Variants in MAP2 observed in about 807,000 individuals in gnomAD.
MAP2 encodes the protein microtubule associated protein 2.
A neutral mutation model predicts 137.6 loss-of-function variants in MAP2; 14 were observed. That is an observed-to-expected ratio of 0.10 (90% CI 0.07 to 0.16). The LOEUF (loss-of-function observed/expected upper bound fraction) is 0.16, where lower values mean the gene tolerates loss of function less well. Among genes scored for constraint, MAP2 ranks in the 10% least tolerant of loss-of-function variants. The probability of loss-of-function intolerance (pLI) is 1.00; values close to 1 mark genes in which losing one functional copy is unlikely to be tolerated. For missense variants in MAP2, 2,088 were observed against 2,191.5 expected, an observed-to-expected ratio of 0.95 and a Z score of 0.94; for synonymous variants, 786 against 782.3, an observed-to-expected ratio of 1.00 and a Z score of -0.08.
intron 2 of MAP2, among the ~76,000 whole-genome samples, chr2:209,572,768 C>G (rs1371153664): frequency 6.6e-6 from 1 of 152,146 alleles, no homozygotes; most frequent in Admixed American, 6.5e-5. Flanking sequence ...GTTTTTATAA[C>G]TAGTAACTCA....
Position 209,492,155 on chromosome 2 carries a change from A to T in MAP2, c.-221-15437A>T, listed in dbSNP as rs182751980. 4.4e-3 allele frequency among the ~76,000 whole-genome samples: 394 copies of T among 89,098 alleles called. 1 individual carries two copies. The highest frequency in any genetic ancestry group is 0.012 in the African/African-American group (365 of 29,634). The allele number at this position is 89,098 out of a possible 152,430, so 58.5% of individuals were successfully genotyped here. A position where few individuals can be genotyped will look rare whatever the true frequency, so the allele number is the denominator to read the frequency against. ...TGGTTCAACATATGCAAATCAATAA[A>T]TGTAATCCATCACATAAAACCAATG... On this transcript the variant is annotated intron_variant, in intron 1 of 15. Coordinates refer to ENST00000682079, the MANE Select transcript of MAP2 (RefSeq NM_001375505.1).
At chr2:209,613,426 C>T (rs948135738) in intron 3 of MAP2, among the ~76,000 whole-genome samples, 21 of 152,140 alleles carry the variant, frequency 1.4e-4, no homozygotes, top group Admixed American at 1.4e-3. Flanking sequence ...ACTATAGGAT[C>T]TGTAGTCCTT....
intron 11 of MAP2, among the ~76,000 whole-genome samples, chr2:209,701,661 G>C (rs2061799558): frequency 6.6e-6 from 1 of 152,004 alleles, no homozygotes; most frequent in Admixed American, 6.6e-5. Flanking sequence ...TCTTGAACCT[G>C]AGGGGTTTTA....
At chr2:209,457,676 T>C (rs78628911) in intron 1 of MAP2, among the ~76,000 whole-genome samples, 2,709 of 152,282 alleles carry the variant, frequency 0.018, 70 homozygotes, top group African/African-American at 0.061. Context: ...CTTCATAGGA[T>C]TGTTGGAATG....
chr2:209,729,737 G>A, intron 14 of MAP2, 113 bp from the exon 15 acceptor site: 1 of 660,934 alleles, frequency 1.5e-6, no homozygotes, highest in Non-Finnish European at 2.7e-6. Flanking sequence ...TTGGAGGGAT[G>A]GTAAAGTTAA....
At chr2:209,566,493 T>C (rs2073437404) in intron 2 of MAP2, among the ~76,000 whole-genome samples, 1 of 152,208 alleles carries the variant, frequency 6.6e-6, no homozygotes, top group African/African-American at 2.4e-5. Context: ...GGTTTAAAAA[T>C]GAAACTCTAT....
chr2:209,696,780 T>G (rs781743592), intron 9 of MAP2, 32 bp downstream of exon 9: 5 of 1,583,910 alleles, frequency 3.2e-6, no homozygotes, highest in Admixed American at 1.8e-5. Flanking sequence ...TTAAAAATGT[T>G]TTTGAAGTAA....
chr2:209,431,518 G>C (rs1444708298), intron 1 of MAP2, among the ~76,000 whole-genome samples: 1 of 152,260 alleles, frequency 6.6e-6, no homozygotes, highest in African/African-American at 2.4e-5. Flanking sequence ...ATATGAATTA[G>C]AGAATGTTTG....
chr2:209,609,383 A>G (rs1034359382), intron 3 of MAP2, among the ~76,000 whole-genome samples: 2 of 152,120 alleles, frequency 1.3e-5, no homozygotes, highest in East Asian at 1.9e-4. Flanking sequence ...ACCCCTTTAA[A>G]TTAAATAGTT....
intron 5 of MAP2, among the ~76,000 whole-genome samples, chr2:209,676,108 A>G (rs1285299456): frequency 6.6e-6 from 1 of 151,958 alleles, no homozygotes; most frequent in Non-Finnish European, 1.5e-5. Context: ...TTGCAACACT[A>G]TTCACAATAG....
chr2:209,663,693 T>C (rs545590826), intron 5 of MAP2, among the ~76,000 whole-genome samples: 9 of 152,178 alleles, frequency 5.9e-5, no homozygotes, highest in Non-Finnish European at 1.3e-4. Context: ...TAAATACATA[T>C]GATTCAGTTT....
At chr2:209,497,957 T>C (rs189680203) in intron 1 of MAP2, among the ~76,000 whole-genome samples, 1 of 152,314 alleles carries the variant, frequency 6.6e-6, no homozygotes, top group Non-Finnish European at 1.5e-5. Context: ...CCTTCTCACA[T>C]TGCAAAATAC....
chr2:209,491,282 G>C (rs951069624), intron 1 of MAP2, among the ~76,000 whole-genome samples: 2 of 152,202 alleles, frequency 1.3e-5, no homozygotes, highest in African/African-American at 4.8e-5. Flanking sequence ...GAATCTCTGA[G>C]ACACAGCTAA....
intron 2 of MAP2, among the ~76,000 whole-genome samples, chr2:209,543,269 G>A (rs1559300120): frequency 6.6e-6 from 1 of 152,212 alleles, no homozygotes; most frequent in South Asian, 2.1e-4. Flanking sequence ...TCTGATGTGG[G>A]TGCAGTTTGT....
chr2:209,546,641 T>C (rs920514591), intron 2 of MAP2, among the ~76,000 whole-genome samples: 1 of 152,186 alleles, frequency 6.6e-6, no homozygotes. Flanking sequence ...CAGGCACAGA[T>C]CCTGGGACTT....
Position 209,697,037 on chromosome 2 carries a change from A to G in MAP2, c.4508A>G (p.Lys1503Arg), listed in dbSNP as rs762089060. The G allele has an allele frequency of 1.3e-6, 2 of 1,599,638 alleles. No individual in the cohort carries two copies. Among genetic ancestry groups the G allele is most frequent in the East Asian group, 4.5e-5 (2 of 44,758 alleles). The stretch of plus-strand genomic sequence containing the variant: ...AGACCAACTCATCTCTCCTGTGTTA[A>G]GCGGAAAACCACAGGTGACTGTTCA... Reference protein sequence around the residue: ...YTRPTHLSCVKRKTTAAGGES... With the variant: ...YTRPTHLSCVRRKTTAAGGES... Residue 1503 changes from lysine to arginine, a missense_variant, in exon 10 of 16, where the codon AAG becomes AGG. Lys to Arg is a conservative substitution (Grantham distance 26). Transcript: ENST00000682079.
At chr2:209,442,710 T>C (rs1347029929) in intron 1 of MAP2, among the ~76,000 whole-genome samples, 1 of 151,636 alleles carries the variant, frequency 6.6e-6, no homozygotes, top group Non-Finnish European at 1.5e-5. Context: ...GCCTGCCAGG[T>C]GGCTTCACTG....
chr2:209,469,451 AC>A, intron 1 of MAP2, among the ~76,000 whole-genome samples: 1 of 152,286 alleles, frequency 6.6e-6, no homozygotes, highest in East Asian at 1.9e-4. Flanking sequence ...TTTTAAAAAC[AC>A]AAAAATTTTA....
At chr2:209,562,845 G>T (rs1022603521) in intron 2 of MAP2, among the ~76,000 whole-genome samples, 14 of 152,074 alleles carry the variant, frequency 9.2e-5, no homozygotes, top group African/African-American at 3.4e-4. Flanking sequence ...ACTAGCCTTA[G>T]AATATAAAGC....
Sources: allele counts gnomAD v4.1 joint callset (sites outside exome capture counted in the v4.1 genomes callset), GRCh38; gene constraint gnomAD v4.1.1; transcripts MANE v1.5; gene names NCBI Gene and HGNC (gene_info 2026-07-23, HGNC 2026-07-21).